The following RPH3AL variants were observed in gnomAD, a reference collection of about 807,000 sequenced individuals.
RPH3AL encodes the protein rabphilin 3A like (without C2 domains).
Under a neutral mutation model 43.1 loss-of-function variants are expected in RPH3AL, and 38 were observed. That is an observed-to-expected ratio of 0.88 (90% confidence interval 0.68 to 1.15). RPH3AL has a LOEUF of 1.15. Among genes scored for constraint, RPH3AL ranks in the 50% most tolerant of loss-of-function variants. The pLI is 0.00. For synonymous variants in RPH3AL, 189 were observed against 176.3 expected (o/e 1.07, Z -0.57); for missense variants, 462 against 423.2 (o/e 1.09, Z -0.81).
At chr17:261,056 C>G (rs944579450) in intron 6 of RPH3AL, among the ~76,000 whole-genome samples, 1 of 152,212 alleles carries the variant, frequency 6.6e-6, no homozygotes, top group Non-Finnish European at 1.5e-5. Flanking sequence ...CCCATGATGG[C>G]GGGAGCCAGG....
Position 264,295 on chromosome 17 carries a change from C to T in RPH3AL, c.439-17010G>A, listed in dbSNP as rs2042269031. On this transcript the variant is annotated intron_variant, in intron 6 of 9. Coordinates refer to ENST00000331302, the MANE Select transcript of RPH3AL (RefSeq NM_006987.4). This position sits in a 1 kb window ranked among gnomAD's most constrained non-coding sequence, Gnocchi z 4.8. ...CGGAGCCGCGAGCGCTGGATGGGGA[C>T]TCAGAATCCGCAGCACGTTGACAGC... is the stretch of plus-strand genomic sequence containing the variant. Among the ~76,000 whole-genome samples the T allele has an allele frequency of 6.6e-6, 1 of 150,574 alleles. No individual in the cohort carries two copies. The highest frequency in any genetic ancestry group is 6.6e-5 in the Admixed American group (1 of 15,120).
In RPH3AL at chr17:281,829, T is replaced by C. The variant is rs748087576; in HGVS notation, c.377A>G (p.Glu126Gly). ...GGGCCGCTTCTGGCCAGGGGAGGCCTCGATCCCACATTTGGTGCAGACTTT... is the reference window on the plus strand; with the variant it reads ...GGGCCGCTTCTGGCCAGGGGAGGCCCCGATCCCACATTTGGTGCAGACTTT... The part of the protein sequence containing the change: ...RKKVCTKCGI[E>G]ASPGQKRPLW... Residue 126 changes from glutamate to glycine, a missense_variant, in exon 6 of 10, where the codon GAG becomes GGG. Transcript: ENST00000331302. The C allele has an allele frequency of 5.6e-6, 9 of 1,613,844 alleles. No individual in the cohort carries two copies. The African/African-American group carries it at 8.0e-5, about 14-fold the overall frequency.
intron 6 of RPH3AL, among the ~76,000 whole-genome samples, chr17:260,735 C>G (rs2042177842): frequency 6.6e-6 from 1 of 152,088 alleles, no homozygotes; most frequent in Non-Finnish European, 1.5e-5. Flanking sequence ...TCCCAGGAAC[C>G]CTAAGAGGCA....
chr17:219,500 T>TA, intron 8 of RPH3AL, 123 bp downstream of exon 8: 1 of 567,218 alleles, frequency 1.8e-6, no homozygotes, highest in South Asian at 2.1e-5. Flanking sequence ...CCCGGCCTAA[T>TA]AGTTTCATTT....
intron 7 of RPH3AL, among the ~76,000 whole-genome samples, chr17:231,248 C>T (rs1026890950): frequency 2.0e-5 from 3 of 152,230 alleles, no homozygotes; most frequent in Non-Finnish European, 4.4e-5. Context: ...CAGGTTCCCC[C>T]ACTTGGGCTG....
In RPH3AL at chr17:289,406, C is replaced by T. The variant is rs1307928729; in HGVS notation, c.352-7552G>A. ...ATCTCCAAGAACTCAAATCTCTCTC[C>T]AACCTCTCAATTCCCCTTCAGCCCC... On this transcript the variant is annotated intron_variant, in intron 5 of 9. Transcript: ENST00000331302. The surrounding 1 kb of genome is among the most constrained non-coding windows in gnomAD (Gnocchi z 5.2). Among the ~76,000 whole-genome samples, 1 of 152,128 alleles carries T rather than the reference C, an allele frequency of 6.6e-6. No homozygotes were observed.
At position 303,317 on chromosome 17, in the gene RPH3AL, G is replaced by A. The variant is rs571541460; in HGVS notation, c.351+16103C>T. 5.1e-4 allele frequency among the ~76,000 whole-genome samples: 77 copies of A among 152,218 alleles called. 1 individual carries two copies. Among genetic ancestry groups the A allele is most frequent in the African/African-American group, 1.8e-3 (76 of 41,524 alleles). On this transcript the variant is annotated intron_variant, in intron 5 of 9. Transcript: ENST00000331302. Reference sequence around the variant, plus strand: ...GAGGTGGGAGGATCACTGGAGCCCAGAGGGGTGAGGCTGCCGTGAGCTAAG... The same window carrying A: ...GAGGTGGGAGGATCACTGGAGCCCAAAGGGGTGAGGCTGCCGTGAGCTAAG...
intron 1 of RPH3AL, among the ~76,000 whole-genome samples, chr17:347,745 A>G (rs1292920218): frequency 6.6e-6 from 1 of 152,240 alleles, no homozygotes; most frequent in African/African-American, 2.4e-5. Context: ...CGGCACACTC[A>G]TGTTGACTAA....
chr17:260,487 C>A (rs1404543423), intron 6 of RPH3AL, among the ~76,000 whole-genome samples: 2 of 152,216 alleles, frequency 1.3e-5, no homozygotes, highest in African/African-American at 4.8e-5. Context: ...AGCAGAGGCA[C>A]TGTCTCCAGG....
chr17:283,149 G>A lies in RPH3AL; in HGVS notation c.352-1295C>T, dbSNP rs2042821310. Among the ~76,000 whole-genome samples the A allele has an allele frequency of 6.8e-6, 1 of 147,822 alleles. No homozygotes were observed. Reference sequence around the variant, plus strand: ...CACGGAAGCCACCCGGTCCCTGCGTGGGTGGGGGCTCTCTGCAGCCCCCCG... The same window carrying A: ...CACGGAAGCCACCCGGTCCCTGCGTAGGTGGGGGCTCTCTGCAGCCCCCCG... On this transcript the variant is annotated intron_variant, in intron 5 of 9. Coordinates refer to ENST00000331302, the MANE Select transcript of RPH3AL (RefSeq NM_006987.4). This position sits in a 1 kb window ranked among gnomAD's most constrained non-coding sequence, Gnocchi z 4.2.
chr17:281,890 A>T, intron 5 of RPH3AL, 36 bp from the exon 6 acceptor site: 1 of 1,533,966 alleles, frequency 6.5e-7, no homozygotes, highest in Middle Eastern at 1.7e-4. Context: ...TAAAGATTGC[A>T]GCCGCTTCCT....
chr17:219,747 C>T lies in RPH3AL; in HGVS notation c.614-11G>A, dbSNP rs781459378. On this transcript the variant is annotated splice_polypyrimidine_tract_variant and intron_variant, in intron 7 of 9. Coordinates refer to ENST00000331302, the MANE Select transcript of RPH3AL (RefSeq NM_006987.4). Reference sequence around the variant, plus strand: ...TGTCACTGGAAACCACTGGAAGAGACAGACCACAGCACAGGAGGTCACCCG... The same window carrying T: ...TGTCACTGGAAACCACTGGAAGAGATAGACCACAGCACAGGAGGTCACCCG... 1 of 1,602,882 alleles carries T rather than the reference C, an allele frequency of 6.2e-7. No individual in the cohort carries two copies. Among genetic ancestry groups the T allele is most frequent in the Non-Finnish European group, 8.5e-7 (1 of 1,170,132 alleles).
chr17:232,154 GATT>G (rs530833276), intron 7 of RPH3AL, among the ~76,000 whole-genome samples: 263 of 152,356 alleles, frequency 1.7e-3, no homozygotes, highest in Middle Eastern at 3.4e-3. Flanking sequence ...ACTCCCCTGA[GATT>G]TAGGGAAAGG....
chr17:248,642 G>A lies in RPH3AL; in HGVS notation c.439-1357C>T, dbSNP rs559850558. 6.8e-4 allele frequency among the ~76,000 whole-genome samples: 103 copies of A among 152,242 alleles called. 1 individual carries two copies. The highest frequency in any genetic ancestry group is 2.4e-3 in the African/African-American group (100 of 41,548). On this transcript the variant is annotated intron_variant, in intron 6 of 9. Transcript: ENST00000331302. ...ACGCACAGCCCCTTGGGCTCTGAGG[G>A]GTCCCTCTGTTCCTCTAATATCCCC...
chr17:350,233 T>A (rs1352003398), intron 1 of RPH3AL, among the ~76,000 whole-genome samples: 1 of 152,210 alleles, frequency 6.6e-6, no homozygotes, highest in African/African-American at 2.4e-5. Flanking sequence ...ACGCCTGTAA[T>A]CCTAGCACTT....
At chr17:348,110 A>AG (rs1567542809) in intron 1 of RPH3AL, among the ~76,000 whole-genome samples, 1 of 140,762 alleles carries the variant, frequency 7.1e-6, no homozygotes, top group African/African-American at 2.6e-5. Context: ...AAAAAAAAAA[A>AG]CAGAGCTGGC....
chr17:317,929 TCCTCCAC>T (rs965119784), intron 5 of RPH3AL, among the ~76,000 whole-genome samples: 9 of 70,306 alleles, frequency 1.3e-4, no homozygotes, highest in African/African-American at 4.9e-4. Flanking sequence ...CCATCCTCCA[TCCTCCAC>T]CCTCCACCCT....
At chr17:329,389 T>C (rs923582747) in intron 2 of RPH3AL, among the ~76,000 whole-genome samples, 4 of 152,228 alleles carry the variant, frequency 2.6e-5, no homozygotes, top group Non-Finnish European at 4.4e-5. Context: ...GGCAGGAGAA[T>C]TGCTTGAACC....
chr17:282,659 G>A (rs1347614392), intron 5 of RPH3AL, among the ~76,000 whole-genome samples: 2 of 152,192 alleles, frequency 1.3e-5, no homozygotes, highest in Non-Finnish European at 2.9e-5. Context: ...TATGTCCTGA[G>A]AAAAGGCACA....
Sources: allele counts gnomAD v4.1 joint callset (sites outside exome capture counted in the v4.1 genomes callset), GRCh38; gene constraint gnomAD v4.1.1; non-coding constraint Gnocchi (gnomAD v3.1); transcripts MANE v1.5; gene names NCBI Gene and HGNC (gene_info 2026-07-23, HGNC 2026-07-21).